WDR47: variants seen among roughly 807,000 people sequenced by gnomAD.
WDR47 encodes the protein WD repeat domain 47, also known as WD repeat-containing protein 47.
WDR47 carries 32 observed loss-of-function variants against 97.2 expected under a neutral mutation model. The observed-to-expected ratio is 0.33, with a 90% confidence interval of 0.25 to 0.44. The LOEUF is 0.44. Ranked by LOEUF, WDR47 falls within the 20% of genes least tolerant of loss-of-function variation. The probability of loss-of-function intolerance (pLI) is 1.00; values close to 1 mark genes in which losing one functional copy is unlikely to be tolerated. For missense variants in WDR47, 782 were observed against 1,102.3 expected, an observed-to-expected ratio of 0.71 and a Z score of 4.11; for synonymous variants, 375 against 373.5, an observed-to-expected ratio of 1.00 and a Z score of -0.05.
At chr1:109,013,416 A>C (rs1355941733) in intron 4 of WDR47, among the ~76,000 whole-genome samples, 1 of 152,212 alleles carries the variant, frequency 6.6e-6, no homozygotes, top group African/African-American at 2.4e-5. Context: ...TAATTTCATT[A>C]AATTTAAATA....
chr1:108,990,767 C>T (rs985078847), intron 9 of WDR47, among the ~76,000 whole-genome samples: 1 of 151,816 alleles, frequency 6.6e-6, no homozygotes, highest in Non-Finnish European at 1.5e-5. Flanking sequence ...AAAGGTGTAC[C>T]GATGAGAAGC....
In WDR47 at chr1:109,041,334, T is replaced by A. The variant is rs367546484; in HGVS notation, c.-10+528A>T. On this transcript the variant is annotated intron_variant, in intron 1 of 14. Transcript: ENST00000369962. ...CCAGATCCCCAAAGGCCTGCTCCCATCCCGACCATTGATGTGAGAAAGGCC... is the reference window on the plus strand; with the variant it reads ...CCAGATCCCCAAAGGCCTGCTCCCAACCCGACCATTGATGTGAGAAAGGCC... Among the ~76,000 whole-genome samples the A allele has an allele frequency of 4.6e-5, 7 of 152,046 alleles. No individual in the cohort carries two copies. In the East Asian group the frequency reaches 1.2e-3, roughly 25 times the overall value.
intron 1 of WDR47, among the ~76,000 whole-genome samples, chr1:109,027,408 G>A (rs547453470): frequency 3.3e-5 from 5 of 152,000 alleles, no homozygotes; most frequent in African/African-American, 7.2e-5. Flanking sequence ...TATAAATATA[G>A]GCATAGGCAC....
intron 2 of WDR47, 57 bp downstream of exon 2, chr1:109,023,298 T>A: frequency 1.3e-6 from 2 of 1,548,542 alleles, no homozygotes; most frequent in Non-Finnish European, 1.8e-6. Context: ...ATTACCTTAT[T>A]AATACTTAAC....
At chr1:109,027,961 G>T (rs1662326649) in intron 1 of WDR47, among the ~76,000 whole-genome samples, 1 of 152,112 alleles carries the variant, frequency 6.6e-6, no homozygotes, top group Non-Finnish European at 1.5e-5. Flanking sequence ...CTAATTCAGG[G>T]AAACAGAATT....
chr1:109,028,888 A>T (rs924636857), intron 1 of WDR47, among the ~76,000 whole-genome samples: 2 of 152,146 alleles, frequency 1.3e-5, no homozygotes, highest in Non-Finnish European at 2.9e-5. Flanking sequence ...TCTATATTCC[A>T]TCCTTGCCTT....
chr1:109,040,999 A>T (rs1663314643), intron 1 of WDR47, among the ~76,000 whole-genome samples: 1 of 150,082 alleles, frequency 6.7e-6, no homozygotes. Context: ...TGCAGAGAAA[A>T]CCAAGTTGCC....
chr1:108,982,550 G>T, intron 12 of WDR47, 59 bp downstream of exon 12: 1 of 1,523,910 alleles, frequency 6.6e-7, no homozygotes, highest in Non-Finnish European at 8.8e-7. Flanking sequence ...ATGCAGAGAG[G>T]AAAAAAAAGC....
At chr1:108,977,413 C>T (rs1484601124) in intron 13 of WDR47, among the ~76,000 whole-genome samples, 7 of 152,116 alleles carry the variant, frequency 4.6e-5, no homozygotes, top group Admixed American at 4.6e-4. Flanking sequence ...CTCGGCCTCC[C>T]AAAGTGCTGG....
chr1:108,991,033 CTGT>C (rs1659304957), intron 9 of WDR47, among the ~76,000 whole-genome samples: 1 of 150,932 alleles, frequency 6.6e-6, no homozygotes, highest in Admixed American at 6.6e-5. Context: ...AGGTCTCACT[CTGT>C]TGCCCAGGTT....
In WDR47 at chr1:109,041,892, G is replaced by A. The variant is rs1298044060; in HGVS notation, c.-40C>T. 1 of 152,444 alleles carries A rather than the reference G, an allele frequency of 6.6e-6. No individual in the cohort carries two copies. The highest frequency in any genetic ancestry group is 2.4e-5 in the African/African-American group (1 of 41,468). 9.4% of individuals were successfully genotyped at this position (152,444 alleles called of 1,614,324 possible). A position where few individuals can be genotyped will look rare whatever the true frequency, so the allele number is the denominator to read the frequency against. ...GGCTCCAGGGCAAGCCCGGAGGAGCGGCGGAGGAGAACGCGGCTGGGAGGC... is the reference window on the plus strand; with the variant it reads ...GGCTCCAGGGCAAGCCCGGAGGAGCAGCGGAGGAGAACGCGGCTGGGAGGC... On this transcript the variant is annotated 5_prime_UTR_variant, in exon 1 of 15. Coordinates refer to ENST00000369962, the MANE Select transcript of WDR47 (RefSeq NM_001142551.2).
intron 1 of WDR47, among the ~76,000 whole-genome samples, chr1:109,040,646 T>C (rs921986396): frequency 6.6e-6 from 1 of 152,206 alleles, no homozygotes; most frequent in Non-Finnish European, 1.5e-5. Flanking sequence ...TTCTTTCCTA[T>C]TGGAAGCAAT....
Position 108,981,760 on chromosome 1 carries a change from C to T in WDR47, c.2371G>A (p.Val791Ile). The part of the protein sequence containing the change: ...WDLRVPSCVR[V>I]VGTTFHGTGS... ...GTTCCATGAAATGTTGTGCCAACAACACGAACACAACTTGGTACTCGAAGA... is the reference window on the plus strand; with the variant it reads ...GTTCCATGAAATGTTGTGCCAACAATACGAACACAACTTGGTACTCGAAGA... Residue 791 changes from valine (V) to isoleucine (I), a missense_variant, in exon 13 of 15, where the codon GTT becomes ATT. By Grantham distance (29) the Val-to-Ile change is conservative. Coordinates refer to ENST00000369962, the MANE Select transcript of WDR47 (RefSeq NM_001142551.2). 1 of 1,612,978 alleles carries T rather than the reference C, an allele frequency of 6.2e-7. No individual in the cohort carries two copies. Among genetic ancestry groups the T allele is most frequent in the Non-Finnish European group, 8.5e-7 (1 of 1,179,492 alleles).
intron 10 of WDR47, 47 bp from the exon 11 acceptor site, chr1:108,983,498 C>T (rs1658509747): frequency 1.3e-6 from 2 of 1,485,264 alleles, no homozygotes; most frequent in East Asian, 2.5e-5. Flanking sequence ...TTGCTTGCTA[C>T]AATCAGTTAT....
rs139760045 is a variant in WDR47, at chr1:109,031,876, T to C, written c.-9-8355A>G. On this transcript the variant is annotated intron_variant, in intron 1 of 14. Coordinates refer to ENST00000369962, the MANE Select transcript of WDR47 (RefSeq NM_001142551.2). ...GTGCAGTGGCACGATCTTAGCTCAC[T>C]GCAGCCTTGACCACCTGAGCTGAAG... 2.7e-3 allele frequency among the ~76,000 whole-genome samples: 360 copies of C among 131,174 alleles called. 58 individuals are homozygous for C. Among genetic ancestry groups the C allele is most frequent in the Non-Finnish European group, 4.6e-3 (278 of 60,100 alleles). 86.1% of individuals were successfully genotyped at this position (131,174 alleles called of 152,430 possible). A position where few individuals can be genotyped will look rare whatever the true frequency, so the allele number is the denominator to read the frequency against.
At chr1:108,991,693 T>A (rs753168453) in intron 8 of WDR47, among the ~76,000 whole-genome samples, 1 of 151,998 alleles carries the variant, frequency 6.6e-6, no homozygotes, top group Admixed American at 6.6e-5. Context: ...GAGAAAAAAA[T>A]ATCAGAAACT....
At chr1:109,020,923 G>A (rs1341346340) in intron 2 of WDR47, among the ~76,000 whole-genome samples, 1 of 129,458 alleles carries the variant, frequency 7.7e-6, no homozygotes, top group Non-Finnish European at 1.6e-5. Flanking sequence ...TTTCCTTCTT[G>A]TCGCCCAAGC....
chr1:108,978,252 G>A (rs1271037501), intron 13 of WDR47, among the ~76,000 whole-genome samples: 1 of 151,474 alleles, frequency 6.6e-6, no homozygotes, highest in Non-Finnish European at 1.5e-5. Context: ...GAGGCAGGCG[G>A]ATCACGAGGT....
intron 2 of WDR47, among the ~76,000 whole-genome samples, chr1:109,021,098 C>T (rs951972251): frequency 3.3e-5 from 5 of 152,258 alleles, no homozygotes; most frequent in Admixed American, 2.6e-4. Context: ...CTTCTGCCTG[C>T]AAATTTGGGA....
Sources: allele counts gnomAD v4.1 joint callset (sites outside exome capture counted in the v4.1 genomes callset), GRCh38; gene constraint gnomAD v4.1.1; transcripts MANE v1.5; gene names NCBI Gene and HGNC (gene_info 2026-07-23, HGNC 2026-07-21).